The following ZDHHC11B variants were observed in gnomAD, a reference collection of about 807,000 sequenced individuals.
ZDHHC11B encodes the protein probable palmitoyltransferase ZDHHC11B.
Under a neutral mutation model 42.3 loss-of-function variants are expected in ZDHHC11B, and 17 were observed. The ratio of observed to expected loss-of-function variants is 0.40; its 90% CI spans 0.27 to 0.60. The LOEUF (loss-of-function observed/expected upper bound fraction) is 0.60. ZDHHC11B is among the 20% of genes least tolerant of loss of function. The probability of loss-of-function intolerance (pLI) is 0.41; values close to 1 mark genes in which losing one functional copy is unlikely to be tolerated. For missense variants in ZDHHC11B, 262 were observed against 463.2 expected, an observed-to-expected ratio of 0.57 and a Z score of 3.99; for synonymous variants, 123 against 193.5, an observed-to-expected ratio of 0.64 and a Z score of 3.02.
At chr5:756,930 A>C (rs1733937361) in intron 4 of ZDHHC11B, among the ~76,000 whole-genome samples, 1 of 151,710 alleles carries the variant, frequency 6.6e-6, no homozygotes, top group Non-Finnish European at 1.5e-5. Context: ...AGACTCACTC[A>C]GGGACCCTGG....
In ZDHHC11B at chr5:710,422, C is replaced by T. The variant is rs1741272036; in HGVS notation, c.*1868G>A. On this transcript the variant is annotated 3_prime_UTR_variant, in exon 14 of 14. Coordinates refer to ENST00000508859, the MANE Select transcript of ZDHHC11B (RefSeq NM_001351303.2). ...TTTTAAAATATGACTACTAAACAGACTAAAACGCAGAGTTCATTAAAATAC... is the reference window on the plus strand; with the variant it reads ...TTTTAAAATATGACTACTAAACAGATTAAAACGCAGAGTTCATTAAAATAC... 1.9e-5 allele frequency: 3 copies of T among 154,148 alleles called. No individual in the cohort carries two copies. The highest frequency in any genetic ancestry group is 2.4e-5 in the African/African-American group (1 of 41,448). 9.5% of individuals were successfully genotyped at this position (154,148 alleles called of 1,614,324 possible).
chr5:779,784 C>A (rs1369779092), intron 1 of ZDHHC11B, among the ~76,000 whole-genome samples: 1 of 151,878 alleles, frequency 6.6e-6, no homozygotes. Flanking sequence ...TCTTAGAAGG[C>A]ACCAGATTAA....
chr5:775,007 C>G (rs1229830899), intron 1 of ZDHHC11B, among the ~76,000 whole-genome samples: 1 of 151,978 alleles, frequency 6.6e-6, no homozygotes, highest in Non-Finnish European at 1.5e-5. Context: ...ACATCATCAG[C>G]AGTGCCGGGT....
intron 12 of ZDHHC11B, among the ~76,000 whole-genome samples, chr5:718,066 G>C (rs1220591177): frequency 6.6e-6 from 1 of 151,846 alleles, no homozygotes; most frequent in Non-Finnish European, 1.5e-5. Context: ...AAAAATTACT[G>C]AGAATAAAAA....
At chr5:783,202 C>G (rs1736984475) in intron 1 of ZDHHC11B, among the ~76,000 whole-genome samples, 1 of 152,234 alleles carries the variant, frequency 6.6e-6, no homozygotes, top group Non-Finnish European at 1.5e-5. Flanking sequence ...TCCTGGAGCT[C>G]GCCTTCTGCA....
intron 6 of ZDHHC11B, among the ~76,000 whole-genome samples, chr5:754,775 T>C (rs1733580226): frequency 2.1e-5 from 2 of 93,534 alleles, no homozygotes; most frequent in African/African-American, 6.7e-5. Flanking sequence ...CTCCAGGGAC[T>C]TACTCTATGC....
intron 12 of ZDHHC11B, among the ~76,000 whole-genome samples, chr5:722,126 A>C (rs534314781): frequency 2.0e-5 from 3 of 151,976 alleles, no homozygotes; most frequent in African/African-American, 7.2e-5. Context: ...GAAATAATAG[A>C]TGGCTATCTT....
chr5:764,194 C>T (rs531307498), intron 4 of ZDHHC11B, among the ~76,000 whole-genome samples: 15 of 151,978 alleles, frequency 9.9e-5, no homozygotes, highest in Non-Finnish European at 2.1e-4. Context: ...CCAAGGACCA[C>T]GCAGTGGTGT....
Position 779,197 on chromosome 5 carries a change from A to G in ZDHHC11B, c.-230+5471T>C, listed in dbSNP as rs866920534. 3.8e-3 allele frequency among the ~76,000 whole-genome samples: 559 copies of G among 148,692 alleles called. 1 individual carries two copies. Among genetic ancestry groups the G allele is most frequent in the South Asian group, 8.6e-3 (41 of 4,742 alleles). On this transcript the variant is annotated intron_variant, in intron 1 of 13. Coordinates refer to ENST00000508859, the MANE Select transcript of ZDHHC11B (RefSeq NM_001351303.2). ...CGCCCAGGACAACTGGAGCCACCAG[A>G]AGCTAGAAGAGGCAGGGAGCGTCCC...
chr5:784,286 G>A (rs1235750148), intron 1 of ZDHHC11B, among the ~76,000 whole-genome samples: 10 of 151,876 alleles, frequency 6.6e-5, no homozygotes, highest in African/African-American at 2.2e-4. Flanking sequence ...CTGGGAATAG[G>A]GAAACGGTTC....
chr5:716,835 T>C lies in ZDHHC11B; in HGVS notation c.1089A>G (p.Lys363=), dbSNP rs1741786644. The change falls in exon 13 of 14, where the codon AAA becomes AAG. Residue 363 remains lysine (K), a synonymous_variant. Coordinates refer to ENST00000508859, the MANE Select transcript of ZDHHC11B (RefSeq NM_001351303.2). ...AGTCTTCACTTTCAGCACTGTCAGT[T>C]TTCATGGGCTCTGTTGTTTCTTGTT... ...GLQQETTEPM[K]TDSAESED The C allele has an allele frequency of 1.2e-6, 2 of 1,613,050 alleles. No homozygotes were observed. The highest frequency in any genetic ancestry group is 1.7e-6 in the Non-Finnish European group (2 of 1,179,576).
intron 8 of ZDHHC11B, among the ~76,000 whole-genome samples, chr5:747,072 TAA>T (rs1424556860): frequency 1.0e-5 from 1 of 96,182 alleles, no homozygotes; most frequent in Non-Finnish European, 2.2e-5. Flanking sequence ...TATTTAAATA[TAA>T]GAGAGATTGC....
chr5:764,271 G>T (rs1193819206), intron 4 of ZDHHC11B, among the ~76,000 whole-genome samples: 1 of 151,948 alleles, frequency 6.6e-6, no homozygotes, highest in Non-Finnish European at 1.5e-5. Context: ...CTCGGCCTCG[G>T]TGCCCACTCT....
chr5:784,374 G>A (rs1227126780), intron 1 of ZDHHC11B, among the ~76,000 whole-genome samples: 2 of 151,950 alleles, frequency 1.3e-5, no homozygotes, highest in Non-Finnish European at 2.9e-5. Flanking sequence ...AAAGCGCCAG[G>A]CACAGGGCCC....
chr5:783,480 C>A (rs1442018258), intron 1 of ZDHHC11B, among the ~76,000 whole-genome samples: 38 of 141,096 alleles, frequency 2.7e-4, no homozygotes, highest in African/African-American at 9.6e-4. Flanking sequence ...AGAAGTCAGG[C>A]GGGGAGGGGT....
At chr5:724,947 C>G (rs2126980580) in intron 12 of ZDHHC11B, among the ~76,000 whole-genome samples, 1 of 146,416 alleles carries the variant, frequency 6.8e-6, no homozygotes, top group Non-Finnish European at 1.5e-5. Flanking sequence ...CGCTGAGATG[C>G]ACACACGGCA....
intron 4 of ZDHHC11B, among the ~76,000 whole-genome samples, chr5:758,753 G>T (rs1734186406): frequency 6.6e-6 from 1 of 151,866 alleles, no homozygotes; most frequent in Admixed American, 6.6e-5. Flanking sequence ...CATGGAACCA[G>T]GTTGAAGCAA....
chr5:748,133 G>A, intron 8 of ZDHHC11B: 1 of 549,868 alleles, frequency 1.8e-6, no homozygotes, highest in Non-Finnish European at 3.1e-6. Flanking sequence ...GCACCCGGCA[G>A]CGCTCCTGCA....
chr5:778,178 C>G (rs193122086), intron 1 of ZDHHC11B, among the ~76,000 whole-genome samples: 1 of 151,906 alleles, frequency 6.6e-6, no homozygotes, highest in African/African-American at 2.4e-5. Context: ...CCAGCCAGTG[C>G]CCACCACCCG....
Sources: allele counts gnomAD v4.1 joint callset (sites outside exome capture counted in the v4.1 genomes callset), GRCh38; gene constraint gnomAD v4.1.1; transcripts MANE v1.5; gene names NCBI Gene and HGNC (gene_info 2026-07-23, HGNC 2026-07-21).